The following PRKN variants were observed in gnomAD, a reference collection of about 807,000 sequenced individuals.
The protein encoded by PRKN is parkin RBR E3 ubiquitin protein ligase, also known as E3 ubiquitin-protein ligase parkin.
Under a neutral mutation model 59.5 loss-of-function variants are expected in PRKN, and 56 were observed. That is an observed-to-expected ratio of 0.94 (90% CI 0.76 to 1.18). PRKN has a LOEUF of 1.18. PRKN is among the 50% of genes most tolerant of loss of function. The probability of loss-of-function intolerance (pLI) is 0.00; values close to 1 mark genes in which losing one functional copy is unlikely to be tolerated. For missense variants in PRKN, 657 were observed against 596.4 expected, an observed-to-expected ratio of 1.10 and a Z score of -1.06; for synonymous variants, 250 against 222.1, an observed-to-expected ratio of 1.13 and a Z score of -1.12.
chr6:162,180,218 C>A (rs1783736202), intron 4 of PRKN, among the ~76,000 whole-genome samples: 1 of 152,076 alleles, frequency 6.6e-6, no homozygotes, highest in Non-Finnish European at 1.5e-5. Context: ...CCCAACTAAA[C>A]ATTTTCACTT....
chr6:161,827,627 C>T (rs1792301586), intron 6 of PRKN, among the ~76,000 whole-genome samples: 1 of 151,150 alleles, frequency 6.6e-6, no homozygotes, highest in Admixed American at 6.6e-5. Flanking sequence ...TGTGCCTCAG[C>T]CTCCTGAGTA....
intron 1 of PRKN, among the ~76,000 whole-genome samples, chr6:162,646,424 C>G (rs1778188946): frequency 6.6e-6 from 1 of 151,986 alleles, no homozygotes; most frequent in Admixed American, 6.6e-5. Context: ...AGATACATGT[C>G]ACCATGCTTG....
chr6:162,323,609 T>A (rs1459401710), intron 2 of PRKN, among the ~76,000 whole-genome samples: 1 of 151,984 alleles, frequency 6.6e-6, no homozygotes, highest in Non-Finnish European at 1.5e-5. Context: ...AACAAACACT[T>A]CATCAAAGAA....
chr6:162,621,630 T>C (rs1159784523), intron 1 of PRKN, among the ~76,000 whole-genome samples: 10 of 152,350 alleles, frequency 6.6e-5, no homozygotes, highest in South Asian at 2.1e-4. Context: ...TTAATTGACA[T>C]AGACTATTTC....
chr6:161,560,857 G>A lies in PRKN; in HGVS notation c.933+8498C>T, dbSNP rs1780430755. 6.6e-6 allele frequency among the ~76,000 whole-genome samples: 1 copy of A among 152,076 alleles called. No homozygotes were observed. Among genetic ancestry groups the A allele is most frequent in the Admixed American group, 6.5e-5 (1 of 15,270 alleles). On this transcript the variant is annotated intron_variant, in intron 8 of 11. Transcript: ENST00000366898. The surrounding 1 kb of genome is among the most constrained non-coding windows in gnomAD (Gnocchi z 4.9). ...CTCTCCAGGCCCACCTTCCTTCCTGGTCTGACAGCTTCTGTCATCTACCAC... is the reference window on the plus strand; with the variant it reads ...CTCTCCAGGCCCACCTTCCTTCCTGATCTGACAGCTTCTGTCATCTACCAC...
At chr6:161,882,846 A>G (rs571123728) in intron 6 of PRKN, among the ~76,000 whole-genome samples, 1 of 151,856 alleles carries the variant, frequency 6.6e-6, no homozygotes, top group South Asian at 2.1e-4. Context: ...TCTACTAAAA[A>G]ATACAAAAAT....
intron 1 of PRKN, among the ~76,000 whole-genome samples, chr6:162,602,285 G>C (rs540056236): frequency 5.8e-4 from 88 of 152,312 alleles, no homozygotes; most frequent in African/African-American, 2.0e-3. Context: ...AGGGTTGTGG[G>C]ATGGACAAGG....
At chr6:162,430,436 T>C (rs1789462623) in intron 2 of PRKN, among the ~76,000 whole-genome samples, 1 of 152,178 alleles carries the variant, frequency 6.6e-6, no homozygotes. Context: ...CTATGACTTG[T>C]GGACATATTT....
At chr6:161,861,725 T>C (rs1793911513) in intron 6 of PRKN, among the ~76,000 whole-genome samples, 1 of 151,864 alleles carries the variant, frequency 6.6e-6, no homozygotes, top group Non-Finnish European at 1.5e-5. Context: ...TGTCTCACAA[T>C]CTGTTTTTTC....
intron 1 of PRKN, among the ~76,000 whole-genome samples, chr6:162,473,044 G>A (rs1703212173): frequency 6.6e-6 from 1 of 151,834 alleles, no homozygotes. Context: ...AAGAAAACAT[G>A]GTTAAACCTA....
chr6:161,513,407 AT>A (rs1307743762), intron 9 of PRKN, among the ~76,000 whole-genome samples: 2 of 151,404 alleles, frequency 1.3e-5, no homozygotes, highest in East Asian at 3.9e-4. Flanking sequence ...CGCTTGGCTA[AT>A]TTTTTTTATT....
chr6:162,486,071 T>C (rs749592853), intron 1 of PRKN, among the ~76,000 whole-genome samples: 9 of 152,206 alleles, frequency 5.9e-5, no homozygotes, highest in Non-Finnish European at 1.2e-4. Context: ...TGCTCTTTTA[T>C]TTTTGAAACG....
rs1056575037 is a variant in PRKN at position 161,798,599 on chromosome 6, T to C, written c.735-12691A>G. On this transcript the variant is annotated intron_variant, in intron 6 of 11. Transcript: ENST00000366898. ...TTGGATTTCACCTTTCTTGAATTAA[T>C]GCATATGCTGCAAGCAAGGGTGAGA... Among the ~76,000 whole-genome samples, 11 of 152,352 alleles carry C rather than the reference T, an allele frequency of 7.2e-5. 1 individual carries two copies. The highest frequency in any genetic ancestry group is 6.5e-4 in the Admixed American group (10 of 15,310).
intron 4 of PRKN, among the ~76,000 whole-genome samples, chr6:162,079,206 C>T (rs1009629862): frequency 1.3e-5 from 2 of 151,990 alleles, no homozygotes; most frequent in Admixed American, 6.5e-5. Flanking sequence ...TAGCGGAACA[C>T]GAATTTGTAG....
intron 6 of PRKN, among the ~76,000 whole-genome samples, chr6:161,790,672 G>C (rs1435764598): frequency 6.6e-6 from 1 of 152,114 alleles, no homozygotes; most frequent in South Asian, 2.1e-4. Flanking sequence ...ACCAGACACT[G>C]GATCTGCCAG....
At chr6:162,619,192 GAGTGC>G (rs1460110815) in intron 1 of PRKN, among the ~76,000 whole-genome samples, 2 of 148,428 alleles carry the variant, frequency 1.3e-5, no homozygotes, top group Admixed American at 1.4e-4. Flanking sequence ...CGCCAGGCTG[GAGTGC>G]AGTGGTGAGA....
intron 7 of PRKN, among the ~76,000 whole-genome samples, chr6:161,647,991 G>T (rs1469297647): frequency 6.6e-6 from 1 of 152,170 alleles, no homozygotes; most frequent in Non-Finnish European, 1.5e-5. Flanking sequence ...CTATAGCATT[G>T]CTATTTCATC....
At chr6:162,048,747 G>T (rs57121881) in intron 5 of PRKN, among the ~76,000 whole-genome samples, 2,920 of 147,718 alleles carry the variant, frequency 0.02, 89 homozygotes, top group African/African-American at 0.068. Flanking sequence ...AATCTCATAA[G>T]AGAGTTTACA....
intron 2 of PRKN, among the ~76,000 whole-genome samples, chr6:162,298,874 G>C (rs1224979253): frequency 6.6e-6 from 1 of 152,148 alleles, no homozygotes; most frequent in Non-Finnish European, 1.5e-5. Flanking sequence ...TGGACCTCTG[G>C]GAGGTGCTGC....
Sources: gnomAD v4.1 joint callset for allele counts (sites outside exome capture counted in the v4.1 genomes callset) on GRCh38, gnomAD v4.1.1 for gene constraint, Gnocchi (gnomAD v3.1) non-coding constraint, MANE v1.5 for transcripts, NCBI Gene and HGNC (gene_info 2026-07-23, HGNC 2026-07-21) for gene names.